CAST: variants seen among roughly 807,000 people sequenced by gnomAD.
The protein encoded by CAST is MIR583 host.
A neutral mutation model predicts 119.6 loss-of-function variants in CAST; 76 were observed. The ratio of observed to expected loss-of-function variants is 0.64; its 90% CI spans 0.53 to 0.77. CAST has a LOEUF of 0.77. Among genes scored for constraint, CAST ranks in the 30% least tolerant of loss-of-function variants. The pLI is 0.00. For missense variants in CAST, 953 were observed against 946.5 expected (o/e 1.01, Z -0.09); for synonymous variants, 319 against 331.6 (o/e 0.96, Z 0.41).
chr5:96,073,693 C>A, the CAST span, among the ~76,000 whole-genome samples: 2 of 152,106 alleles, frequency 1.3e-5, no homozygotes, highest in Non-Finnish European at 2.9e-5. Flanking sequence ...AGGGTTTCTC[C>A]TCCTGTGAGA....
chr5:96,412,387 A>G, the CAST span: 1 of 1,614,068 alleles, frequency 6.2e-7, no homozygotes, highest in African/African-American at 1.3e-5. Context: ...TCCCATCATC[A>G]TTAGGGCCCC....
intron 2 of CAST, among the ~76,000 whole-genome samples, chr5:96,676,118 T>G (rs1033254922): frequency 6.6e-6 from 1 of 152,184 alleles, no homozygotes; most frequent in Admixed American, 6.5e-5. Context: ...TGTTTCTTCT[T>G]TTACTGAATG....
the CAST span, among the ~76,000 whole-genome samples, chr5:96,415,177 C>G: frequency 6.6e-6 from 1 of 152,172 alleles, no homozygotes. Flanking sequence ...CACTCTTCTC[C>G]ATTAGAACAT....
At chr5:96,690,315 T>C (rs1752583736) in intron 2 of CAST, among the ~76,000 whole-genome samples, 1 of 152,110 alleles carries the variant, frequency 6.6e-6, no homozygotes, top group Non-Finnish European at 1.5e-5. Flanking sequence ...CACTGCAACC[T>C]CCATCTCCCA....
intron 1 of CAST, among the ~76,000 whole-genome samples, chr5:96,646,672 G>A (rs985429671): frequency 3.3e-5 from 5 of 152,106 alleles, no homozygotes; most frequent in Non-Finnish European, 7.4e-5. Context: ...TTGTGGGGCT[G>A]CACATGTAAA....
At chr5:96,384,845 A>C in the CAST span, among the ~76,000 whole-genome samples, 2 of 152,196 alleles carry the variant, frequency 1.3e-5, no homozygotes, top group Non-Finnish European at 2.9e-5. Context: ...GTCTTAGTAC[A>C]CGCTAGTATA....
At chr5:96,000,039 T>G in the CAST span, among the ~76,000 whole-genome samples, 5 of 152,230 alleles carry the variant, frequency 3.3e-5, no homozygotes, top group African/African-American at 1.2e-4. Flanking sequence ...TAGCCATTAC[T>G]ATTTGCATAT....
chr5:96,534,719 G>GGAAGGAAGGAAGGAAGGAAGGAAGGAAGT (rs1745753580), intron 1 of CAST, among the ~76,000 whole-genome samples: 1 of 11,062 alleles, frequency 9.0e-5, no homozygotes, highest in Non-Finnish European at 2.2e-4. Context: ...AGGAAGGAGA[G>GGAAGGAAGGAAGGAAGGAAGGAAGGAAGT]AGAGAGAGAG....
chr5:96,022,558 A>G, the CAST span, among the ~76,000 whole-genome samples: 1 of 152,202 alleles, frequency 6.6e-6, no homozygotes, highest in Admixed American at 6.5e-5. Context: ...TAGTTCCCCA[A>G]TATGAACAGG....
the CAST span, among the ~76,000 whole-genome samples, chr5:96,394,164 C>T: frequency 2.0e-5 from 3 of 152,146 alleles, no homozygotes; most frequent in Non-Finnish European, 2.9e-5. Context: ...CAGAGCAGGG[C>T]GTTCTGAAAA....
At chr5:96,065,053 C>T in the CAST span, among the ~76,000 whole-genome samples, 1 of 152,058 alleles carries the variant, frequency 6.6e-6, no homozygotes, top group East Asian at 1.9e-4. Flanking sequence ...CCTTCTGGTA[C>T]TTGTTATTCC....
At chr5:96,432,830 C>A in the CAST span, 1 of 1,601,832 alleles carries the variant, frequency 6.2e-7, no homozygotes, top group Non-Finnish European at 8.5e-7. Context: ...CCCCTGGGGC[C>A]CCAGAAAGTT....
chr5:96,542,309 A>AAAAAAAAAG (rs557821906), intron 1 of CAST, among the ~76,000 whole-genome samples: 79,838 of 137,056 alleles, frequency 0.58, 22,681 homozygotes, highest in East Asian at 0.85. Context: ...ACTTAGTCTC[A>AAAAAAAAAG]AAAAAAAAAA....
the CAST span, chr5:96,400,288 C>G: frequency 1.3e-6 from 1 of 793,678 alleles, no homozygotes; most frequent in Non-Finnish European, 2.3e-6. Context: ...TTATGAAGTG[C>G]CTTTTGCTAT....
chr5:96,042,658 T>A, the CAST span, among the ~76,000 whole-genome samples: 2 of 152,146 alleles, frequency 1.3e-5, no homozygotes, highest in Non-Finnish European at 2.9e-5. Context: ...TAGTAAAAAG[T>A]TGGAGTAGCT....
the CAST span, among the ~76,000 whole-genome samples, chr5:96,063,561 G>T: frequency 6.6e-6 from 1 of 152,160 alleles, no homozygotes; most frequent in South Asian, 2.1e-4. Context: ...CCCAAGGAAT[G>T]CATCTGAAGT....
At chr5:96,098,343 A>G in the CAST span, among the ~76,000 whole-genome samples, 3 of 151,648 alleles carry the variant, frequency 2.0e-5, no homozygotes, top group Non-Finnish European at 4.4e-5. Flanking sequence ...CCATTTGTCT[A>G]TTTTTGTTTT....
chr5:96,156,811 A>G, the CAST span, among the ~76,000 whole-genome samples: 1 of 152,186 alleles, frequency 6.6e-6, no homozygotes. Flanking sequence ...ATATCTTTTC[A>G]AAGTTCCCCC....
Position 96,747,392 on chromosome 5 carries a change from G to C in CAST, c.1332G>C (p.Lys444Asn). 1 of 1,572,526 alleles carries C rather than the reference G, an allele frequency of 6.4e-7. No homozygotes were observed. The highest frequency in any genetic ancestry group is 1.4e-5 in the African/African-American group (1 of 74,042). The part of the protein sequence containing the change: ...PLLPEPEEKP[K>N]PRSESELIDE... ...TGCCAGAGCCTGAAGAAAAACCCAA[G>C]GTTAGGAAATACATTTTTTTCTGAT... The change falls in exon 18 of 32, where the codon AAG becomes AAC. Residue 444 changes from lysine to asparagine, a missense_variant and splice_region_variant. Lys to Asn is a moderately conservative substitution (Grantham distance 94). Transcript: ENST00000675179.
Sources: allele counts gnomAD v4.1 joint callset (sites outside exome capture counted in the v4.1 genomes callset), GRCh38; gene constraint gnomAD v4.1.1; transcripts MANE v1.5; gene names NCBI Gene and HGNC (gene_info 2026-07-23, HGNC 2026-07-21).